The following LMTK3 variants were observed in gnomAD, a reference collection of about 807,000 sequenced individuals.
LMTK3 encodes the protein serine/threonine-protein kinase LMTK3.
LMTK3 carries 27 observed loss-of-function variants against 116.7 expected under a neutral mutation model. That is an observed-to-expected ratio of 0.23 (90% CI 0.17 to 0.32). The LOEUF is 0.32. Ranked by LOEUF, LMTK3 falls within the 10% of genes least tolerant of loss-of-function variation. LMTK3 has a pLI of 1.00. For missense variants in LMTK3, 1,764 were observed against 2,068.5 expected (o/e 0.85, Z 2.86); for synonymous variants, 965 against 971.0 (o/e 0.99, Z 0.11).
Position 48,499,100 on chromosome 19 carries a change from G to T in LMTK3, c.1969C>A (p.Leu657Ile), listed in dbSNP as rs768003561. The change falls in exon 11 of 15, where the codon CTT becomes ATT. Residue 657 changes from leucine (L) to isoleucine (I), a missense_variant. Coordinates refer to ENST00000600059, the MANE Select transcript of LMTK3 (RefSeq NM_001388485.1). ...GSSPGEDSSS[L>I]GGGPSRRGPL... Reference sequence around the variant, plus strand: ...CCCCGGCGGCTTGGGCCACCTCCAAGGCTGCTGCTGTCTTCCCCTGGGGAG... The same window carrying T: ...CCCCGGCGGCTTGGGCCACCTCCAATGCTGCTGCTGTCTTCCCCTGGGGAG... 5.8e-6 allele frequency: 9 copies of T among 1,556,852 alleles called. No individual in the cohort carries two copies. The South Asian group carries it at 1.1e-4, about 18-fold the overall frequency.
At position 48,493,916 on chromosome 19, in the gene LMTK3, CTCCTCGTCCTCCTCCTCG is replaced by C; in HGVS notation, c.3852_3869del (p.Asp1284_Glu1289del). On this transcript the variant is annotated inframe_deletion, in exon 12 of 15. Transcript: ENST00000600059. ...CCGCCGCCGCGCCCGGCGCCGCCGC[CTCCTCGTCCTCCTCCTCG>C]TCCTCGTCCTCGTCCTCCCCGTCCT... 2 of 1,029,556 alleles carry C rather than the reference CTCCTCGTCCTCCTCCTCG, an allele frequency of 1.9e-6. No individual in the cohort carries two copies. The highest frequency in any genetic ancestry group is 2.3e-6 in the Non-Finnish European group (2 of 862,484). 63.8% of individuals were successfully genotyped at this position (1,029,556 alleles called of 1,614,324 possible).
At chr19:48,506,303 A>C (rs1972569430) in intron 5 of LMTK3, among the ~76,000 whole-genome samples, 1 of 150,862 alleles carries the variant, frequency 6.6e-6, no homozygotes, top group Admixed American at 6.6e-5. Flanking sequence ...TGTCTTCTCC[A>C]CTAGGGGGTG....
intron 14 of LMTK3, among the ~76,000 whole-genome samples, chr19:48,487,543 A>T (rs1253086138): frequency 1.3e-5 from 2 of 152,140 alleles, no homozygotes; most frequent in African/African-American, 4.8e-5. Context: ...TGATGACAGG[A>T]GCTGCGGTCA....
In LMTK3 at chr19:48,498,833, C is replaced by A; in HGVS notation, c.2236G>T (p.Gly746Trp). ...GGGGGAGCGGGAGGTGGCCCCCGCCCGGGGTACTGGGGCGCCGCCGCCCCC... is the reference window on the plus strand; with the variant it reads ...GGGGGAGCGGGAGGTGGCCCCCGCCAGGGGTACTGGGGCGCCGCCGCCCCC... Reference protein sequence around the residue: ...LMGAAAPQYPGRGPPPAPPPP... With the variant: ...LMGAAAPQYPWRGPPPAPPPP... Residue 746 changes from glycine to tryptophan, a missense_variant, in exon 11 of 15, where the codon GGG (glycine) becomes TGG (tryptophan). By Grantham distance (184) the Gly-to-Trp change is radical. Around this residue, in one of 7 missense-constraint regions of LMTK3, gnomAD observed 1,028 missense variants for 1,050.6 expected, o/e 0.98. Transcript: ENST00000600059. The A allele has an allele frequency of 8.6e-7, 1 of 1,161,480 alleles. No individual in the cohort carries two copies. The highest frequency in any genetic ancestry group is 1.1e-6 in the Non-Finnish European group (1 of 921,910). The allele number at this position is 1,161,480 out of a possible 1,614,324, so 71.9% of individuals were successfully genotyped here.
rs747820989 is a variant in LMTK3 at position 48,497,511 on chromosome 19, G to C, written c.3558C>G (p.Gly1186=). The C allele has an allele frequency of 6.9e-7, 1 of 1,440,874 alleles. No individual in the cohort carries two copies. The highest frequency in any genetic ancestry group is 9.1e-7 in the Non-Finnish European group (1 of 1,096,616). 89.3% of individuals were successfully genotyped at this position (1,440,874 alleles called of 1,614,324 possible). A position where few individuals can be genotyped will look rare whatever the true frequency, so the allele number is the denominator to read the frequency against. The change falls in exon 11 of 15, where the codon GGC becomes GGG. Residue 1186 remains glycine (G), a synonymous_variant. Coordinates refer to ENST00000600059, the MANE Select transcript of LMTK3 (RefSeq NM_001388485.1). The surrounding 1 kb of genome is among the most constrained non-coding windows in gnomAD (Gnocchi z 5.7). ...GEPGAPDSRA[G]GDTALSGDGD... is the part of the protein sequence containing the mutation. ...CGTCTCCGCTGAGTGCCGTGTCTCC[G>C]CCGGCCCTGCTGTCTGGGGCCCCGG...
At chr19:48,492,574 C>T (rs985728935) in intron 12 of LMTK3, among the ~76,000 whole-genome samples, 4 of 152,138 alleles carry the variant, frequency 2.6e-5, no homozygotes, top group African/African-American at 7.2e-5. Context: ...CCCCAGAATA[C>T]GTTAAGACTG....
At chr19:48,504,471 C>G (rs1972529457) in intron 5 of LMTK3, among the ~76,000 whole-genome samples, 1 of 152,200 alleles carries the variant, frequency 6.6e-6, no homozygotes, top group South Asian at 2.1e-4. Context: ...TACATGAGAT[C>G]TGAGAGAAGC....
In LMTK3 at chr19:48,494,678, T is replaced by C. The variant is rs1239156693; in HGVS notation, c.3677-569A>G. On this transcript the variant is annotated intron_variant, in intron 11 of 14. Coordinates refer to ENST00000600059, the MANE Select transcript of LMTK3 (RefSeq NM_001388485.1). This position sits in a 1 kb window ranked among gnomAD's most constrained non-coding sequence, Gnocchi z 4.0. ...TTCCTCACTGGCAAATGAACAAGGG[T>C]CACTTAGCCCTCCATTACTGCATAA... Among the ~76,000 whole-genome samples the C allele has an allele frequency of 6.6e-6, 1 of 152,046 alleles. No homozygotes were observed. The highest frequency in any genetic ancestry group is 1.5e-5 in the Non-Finnish European group (1 of 68,006).
rs754882064 is a variant in LMTK3, at chr19:48,501,013, C to T, written c.1134G>A (p.Leu378=). 1 of 1,525,938 alleles carries T rather than the reference C, an allele frequency of 6.6e-7. No homozygotes were observed. The highest frequency in any genetic ancestry group is 2.4e-5 in the East Asian group (1 of 42,120). The allele number at this position is 1,525,938 out of a possible 1,614,324, so 94.5% of individuals were successfully genotyped here. The change falls in exon 10 of 15, where the codon CTG becomes CTA. Residue 378 remains leucine, a synonymous_variant. Coordinates refer to ENST00000600059, the MANE Select transcript of LMTK3 (RefSeq NM_001388485.1). The part of the protein sequence containing the change: ...HVKLARPRLK[L]PYADYWYDIL... ...GCCCTCACCAGTAGTCCGCGTAAGGCAGCTTGAGCCTCGGCCGGGCCAGCT... is the reference window on the plus strand; with the variant it reads ...GCCCTCACCAGTAGTCCGCGTAAGGTAGCTTGAGCCTCGGCCGGGCCAGCT...
rs1972449216 is a variant in LMTK3, at chr19:48,500,704, G to A, written c.1151+292C>T. On this transcript the variant is annotated intron_variant, in intron 10 of 14. Transcript: ENST00000600059. This position sits in a 1 kb window ranked among gnomAD's most constrained non-coding sequence, Gnocchi z 4.0. ...AGGGGACACAGCAGCAGATGGGAAC[G>A]GCTGGTGAGGGTAGTGGTGTCCCTG... Among the ~76,000 whole-genome samples, 1 of 152,206 alleles carries A rather than the reference G, an allele frequency of 6.6e-6. No homozygotes were observed. Among genetic ancestry groups the A allele is most frequent in the South Asian group, 2.1e-4 (1 of 4,838 alleles).
rs765926338 is a variant in LMTK3 at position 48,498,241 on chromosome 19, G to A, written c.2828C>T (p.Ala943Val). ...GGACCCCAGGGCCCCATTCTCCGCC[G>A]CCTTCTCCTCGATGCCTGGGGCTCT... The part of the protein sequence containing the change: ...DQRAPGIEEK[A>V]AENGALGSPE... The change falls in exon 11 of 15, where the codon GCG becomes GTG. Residue 943 changes from alanine to valine, a missense_variant. Transcript: ENST00000600059. 7 of 1,613,122 alleles carry A rather than the reference G, an allele frequency of 4.3e-6. No homozygotes were observed. The highest frequency in any genetic ancestry group is 5.9e-6 in the Non-Finnish European group (7 of 1,179,696).
rs1390829563 is a variant in LMTK3 at position 48,500,813 on chromosome 19, C to G, written c.1151+183G>C. Among the ~76,000 whole-genome samples the G allele has an allele frequency of 1.3e-5, 2 of 152,192 alleles. No homozygotes were observed. Among genetic ancestry groups the G allele is most frequent in the Non-Finnish European group, 2.9e-5 (2 of 68,028 alleles). The stretch of plus-strand genomic sequence containing the variant: ...TGGGTTCAAATCACAGCTCTGCCAT[C>G]CCCTGCCTGTGTCCCCCTGCAAGTA... On this transcript the variant is annotated intron_variant, in intron 10 of 14. Coordinates refer to ENST00000600059, the MANE Select transcript of LMTK3 (RefSeq NM_001388485.1). This position sits in a 1 kb window ranked among gnomAD's most constrained non-coding sequence, Gnocchi z 4.0.
At chr19:48,502,373 G>T in intron 7 of LMTK3, 60 bp downstream of exon 7, 1 of 1,563,838 alleles carries the variant, frequency 6.4e-7, no homozygotes, top group Non-Finnish European at 8.7e-7. Context: ...CTCCCCTGAG[G>T]CCTCACCTCC....
At chr19:48,506,593 G>A (rs1569106821) in intron 5 of LMTK3, among the ~76,000 whole-genome samples, 1 of 152,156 alleles carries the variant, frequency 6.6e-6, no homozygotes, top group African/African-American at 2.4e-5. Flanking sequence ...GTGTAACCGC[G>A]GCTCTGCTGT....
In LMTK3 at chr19:48,497,008, T is replaced by A. The variant is rs765284976; in HGVS notation, c.3676+385A>T. ...GCTTCATCCGTTTCCCTATGTCGTC[T>A]GGCCCCTGTGGGCATGAGTTTGAGA... On this transcript the variant is annotated intron_variant, in intron 11 of 14. Transcript: ENST00000600059. This position sits in a 1 kb window ranked among gnomAD's most constrained non-coding sequence, Gnocchi z 5.7. Among the ~76,000 whole-genome samples, 8 of 152,252 alleles carry A rather than the reference T, an allele frequency of 5.3e-5. No individual in the cohort carries two copies. The highest frequency in any genetic ancestry group is 2.0e-4 in the Admixed American group (3 of 15,280).
intron 3 of LMTK3, 100 bp from the exon 4 acceptor site, chr19:48,509,613 C>G (rs1051291677): frequency 9.9e-6 from 10 of 1,007,920 alleles, no homozygotes; most frequent in Non-Finnish European, 1.4e-5. Context: ...GCAGACATCA[C>G]TCTCTTTTCA....
Position 48,511,620 on chromosome 19 carries a change from A to AGGTGGGGGGGGGGGGGGGGGGGGGGGG in LMTK3, c.-45_-44insCCCCCCCCCCCCCCCCCCCCCCCCACC. ...GAGGTGGAGGTGGTGGCGGCTGGGG[A>AGGTGGGGGGGGGGGGGGGGGGGGGGGG]GGAGGGGGGGGCGGGCCCTCAGCCC... On this transcript the variant is annotated 5_prime_UTR_variant, in exon 1 of 15. Coordinates refer to ENST00000600059, the MANE Select transcript of LMTK3 (RefSeq NM_001388485.1). 3.4e-5 allele frequency: 4 copies of AGGTGGGGGGGGGGGGGGGGGGGGGGGG among 118,202 alleles called. No homozygotes were observed. The highest frequency in any genetic ancestry group is 4.5e-5 in the Non-Finnish European group (3 of 66,504). The allele number at this position is 118,202 out of a possible 1,614,324, so 7.3% of individuals were successfully genotyped here.
rs374503117 is a variant in LMTK3, at chr19:48,496,171, G to A, written c.3676+1222C>T. Among the ~76,000 whole-genome samples, 58 of 152,020 alleles carry A rather than the reference G, an allele frequency of 3.8e-4. 3 individuals carry two copies. The East Asian group carries it at 6.8e-3, about 18-fold the overall frequency. On this transcript the variant is annotated intron_variant, in intron 11 of 14. Transcript: ENST00000600059. ...GTCACCCAGGCTGGAGTGCAGTGAC[G>A]TGATCTCGGCTCACTGCAATCTCTG... is the stretch of plus-strand genomic sequence containing the variant.
chr19:48,488,204 C>T (rs563606844), intron 14 of LMTK3, among the ~76,000 whole-genome samples: 13 of 152,276 alleles, frequency 8.5e-5, no homozygotes, highest in African/African-American at 3.1e-4. Flanking sequence ...CACCCCCACC[C>T]TGTCCTCACA....
Sources: allele counts gnomAD v4.1 joint callset (sites outside exome capture counted in the v4.1 genomes callset), GRCh38; gene constraint gnomAD v4.1.1; regional missense constraint gnomAD v4.1.1; non-coding constraint Gnocchi (gnomAD v3.1); transcripts MANE v1.5; gene names NCBI Gene and HGNC (gene_info 2026-07-23, HGNC 2026-07-21).